Variants in CCDC141 observed in about 807,000 individuals in gnomAD.
The protein encoded by CCDC141 is coiled-coil domain containing 141, also known as coiled-coil domain-containing protein 141.
CCDC141 carries 168 observed loss-of-function variants against 181.0 expected under a neutral mutation model. The observed-to-expected ratio is 0.93, with a 90% CI of 0.82 to 1.05. The LOEUF (loss-of-function observed/expected upper bound fraction) is 1.05, where lower values mean the gene tolerates loss of function less well. Among genes scored for constraint, CCDC141 ranks in the 50% least tolerant of loss-of-function variants. The probability of loss-of-function intolerance (pLI) is 0.00; values close to 1 mark genes in which losing one functional copy is unlikely to be tolerated. For missense variants in CCDC141, 1,902 were observed against 1,788.5 expected (o/e 1.06, Z -1.14); for synonymous variants, 666 against 642.3 (o/e 1.04, Z -0.56).
chr2:178,844,123 T>C (rs552714306), intron 22 of CCDC141, among the ~76,000 whole-genome samples: 11 of 152,254 alleles, frequency 7.2e-5, no homozygotes, highest in Non-Finnish European at 1.2e-4. Context: ...TATTTTTGTT[T>C]GCTTTGGTAG....
chr2:178,834,964 T>G (rs534566533), intron 23 of CCDC141, among the ~76,000 whole-genome samples: 1 of 152,068 alleles, frequency 6.6e-6, no homozygotes, highest in South Asian at 2.1e-4. Context: ...CCTTTAAAAA[T>G]TGGAATATTG....
intron 2 of CCDC141, among the ~76,000 whole-genome samples, chr2:179,041,482 T>A (rs1263389023): frequency 6.8e-6 from 1 of 146,214 alleles, no homozygotes; most frequent in East Asian, 2.0e-4. Flanking sequence ...TTAATCGGGT[T>A]GGTTGTGGGT....
At position 178,839,607 on chromosome 2, in the gene CCDC141, ATG is replaced by A. The variant is rs1684641467; in HGVS notation, c.3475-1865_3475-1864del. ...AAAAAAAAAAAAAAAAAAAAAAAAA[ATG>A]TGTTTTCAGGTTGAAGAGTCGAAGC... is the stretch of plus-strand genomic sequence containing the variant. On this transcript the variant is annotated intron_variant, in intron 22 of 23. Coordinates refer to ENST00000443758, the MANE Select transcript of CCDC141 (RefSeq NM_173648.4). 4.7e-4 allele frequency among the ~76,000 whole-genome samples: 66 copies of A among 139,994 alleles called. 8 individuals carry two copies. Among genetic ancestry groups the A allele is most frequent in the East Asian group, 1.2e-3 (6 of 5,040 alleles). The allele number at this position is 139,994 out of a possible 152,430, so 91.8% of individuals were successfully genotyped here.
intron 6 of CCDC141, 144 bp downstream of exon 6, chr2:178,944,391 A>G: frequency 2.3e-6 from 1 of 435,838 alleles, no homozygotes; most frequent in Non-Finnish European, 4.1e-6. Flanking sequence ...GGTATTTGCT[A>G]ATGTTATTGG....
chr2:178,891,954 A>G (rs1687174014), intron 8 of CCDC141, among the ~76,000 whole-genome samples: 1 of 152,182 alleles, frequency 6.6e-6, no homozygotes, highest in Non-Finnish European at 1.5e-5. Context: ...TATAAGTAGT[A>G]GAATATCAAT....
At chr2:178,844,676 A>G (rs1674000453) in intron 22 of CCDC141, among the ~76,000 whole-genome samples, 1 of 152,240 alleles carries the variant, frequency 6.6e-6, no homozygotes, top group Non-Finnish European at 1.5e-5. Flanking sequence ...AAAAGGACCT[A>G]TAAGAAAGCT....
At chr2:178,857,393 T>C (rs987699519) in intron 17 of CCDC141, among the ~76,000 whole-genome samples, 1 of 152,198 alleles carries the variant, frequency 6.6e-6, no homozygotes, top group South Asian at 2.1e-4. Context: ...CCCTTAGATA[T>C]AGACCATTAA....
At chr2:178,922,056 A>T (rs916781128) in intron 6 of CCDC141, among the ~76,000 whole-genome samples, 4 of 152,216 alleles carry the variant, frequency 2.6e-5, no homozygotes, top group African/African-American at 9.6e-5. Context: ...AAACAGGGGC[A>T]AGGAAAATGC....
intron 2 of CCDC141, among the ~76,000 whole-genome samples, chr2:178,995,870 T>G (rs1242683984): frequency 6.6e-6 from 1 of 152,176 alleles, no homozygotes; most frequent in Non-Finnish European, 1.5e-5. Context: ...TAGACCATAG[T>G]AAGGGCTGGT....
At chr2:178,901,298 A>C (rs1687675589) in intron 8 of CCDC141, among the ~76,000 whole-genome samples, 1 of 152,188 alleles carries the variant, frequency 6.6e-6, no homozygotes, top group African/African-American at 2.4e-5. Context: ...GCAGAGACAC[A>C]ACCAAAAAAG....
intron 5 of CCDC141, among the ~76,000 whole-genome samples, chr2:178,958,954 C>G (rs1160042830): frequency 2.0e-5 from 3 of 149,174 alleles, no homozygotes. Flanking sequence ...AAGATAAATA[C>G]TTCTCTGTAT....
intron 2 of CCDC141, among the ~76,000 whole-genome samples, chr2:179,031,869 G>A (rs1331859068): frequency 6.6e-6 from 1 of 152,052 alleles, no homozygotes; most frequent in Non-Finnish European, 1.5e-5. Flanking sequence ...TTCAACTACG[G>A]AAATACTTAG....
At chr2:178,864,409 G>A (rs1685755392) in intron 17 of CCDC141, among the ~76,000 whole-genome samples, 1 of 152,150 alleles carries the variant, frequency 6.6e-6, no homozygotes, top group African/African-American at 2.4e-5. Flanking sequence ...CAGCAGCATA[G>A]GAACCGGAAG....
intron 2 of CCDC141, among the ~76,000 whole-genome samples, chr2:179,046,890 G>A (rs2043514925): frequency 2.0e-5 from 3 of 152,122 alleles, no homozygotes; most frequent in South Asian, 4.1e-4. Flanking sequence ...ATAGTCCAAC[G>A]GGGGAAAAGT....
chr2:178,906,271 A>G (rs55844607), intron 7 of CCDC141, among the ~76,000 whole-genome samples: 8,864 of 152,330 alleles, frequency 0.058, 359 homozygotes, highest in Non-Finnish European at 0.089. Context: ...TAGAATTAAC[A>G]TAAAATAGAG....
chr2:178,820,179 CA>C, the CCDC141 span, among the ~76,000 whole-genome samples: 1 of 152,124 alleles, frequency 6.6e-6, no homozygotes, highest in African/African-American at 2.4e-5. Context: ...CCCTCTGGCT[CA>C]CTTTGAAAAT....
rs1003047500 is a variant in CCDC141 at position 178,869,137 on chromosome 2, A to T, written c.2374T>A (p.Phe792Ile). 1.3e-6 allele frequency: 2 copies of T among 1,596,768 alleles called. No individual in the cohort carries two copies. The highest frequency in any genetic ancestry group is 2.7e-5 in the African/African-American group (2 of 73,804). The change falls in exon 15 of 24, where the codon TTC (phenylalanine) becomes ATC (isoleucine). Residue 792 changes from phenylalanine to isoleucine, a missense_variant. By Grantham distance (21) the Phe-to-Ile change is conservative. Transcript: ENST00000443758. ...CTTACCTCTTCCTTGACTTGATGGA[A>T]CTGGACCACCTTGTACAGGATATCC... ...YEDILYKVVQFHQVKEELGRL... is the reference protein window; with the variant it reads ...YEDILYKVVQIHQVKEELGRL...
chr2:178,864,203 G>T (rs1331851806), intron 17 of CCDC141, among the ~76,000 whole-genome samples: 1 of 152,142 alleles, frequency 6.6e-6, no homozygotes, highest in Non-Finnish European at 1.5e-5. Flanking sequence ...AGAAGTAGAG[G>T]AGGAGGAAGA....
intron 5 of CCDC141, among the ~76,000 whole-genome samples, chr2:178,954,580 G>C (rs1690081725): frequency 6.6e-6 from 1 of 152,102 alleles, no homozygotes; most frequent in South Asian, 2.1e-4. Flanking sequence ...AAAAGCATTA[G>C]GCCACAGCAC....
Sources: allele counts gnomAD v4.1 joint callset (sites outside exome capture counted in the v4.1 genomes callset), GRCh38; gene constraint gnomAD v4.1.1; transcripts MANE v1.5; gene names NCBI Gene and HGNC (gene_info 2026-07-23, HGNC 2026-07-21).